AUTS2: variants seen among roughly 807,000 people sequenced by gnomAD.
The protein encoded by AUTS2 is autism susceptibility gene 2 protein.
Under a neutral mutation model 112.4 loss-of-function variants are expected in AUTS2, and 17 were observed. The observed-to-expected ratio is 0.15, with a 90% CI of 0.10 to 0.23. AUTS2 has a LOEUF of 0.23. Among genes scored for constraint, AUTS2 ranks in the 10% least tolerant of loss-of-function variants. AUTS2 has a pLI of 1.00. For synonymous variants in AUTS2, 751 were observed against 702.7 expected, an observed-to-expected ratio of 1.07 and a Z score of -1.09; for missense variants, 1,510 against 1,701.6, an observed-to-expected ratio of 0.89 and a Z score of 1.98.
At chr7:69,914,362 C>CACAG (rs1271865723) in intron 2 of AUTS2, among the ~76,000 whole-genome samples, 1 of 144,672 alleles carries the variant, frequency 6.9e-6, no homozygotes, top group Admixed American at 6.8e-5. Flanking sequence ...CACAGACACA[C>CACAG]ACACACACAC....
At chr7:69,923,061 C>T (rs1584447094) in intron 2 of AUTS2, among the ~76,000 whole-genome samples, 1 of 152,176 alleles carries the variant, frequency 6.6e-6, no homozygotes, top group South Asian at 2.1e-4. Flanking sequence ...TTGCCTGAAT[C>T]AACCCTAAGA....
At chr7:69,877,973 G>A (rs1406486817) in intron 1 of AUTS2, among the ~76,000 whole-genome samples, 2 of 152,110 alleles carry the variant, frequency 1.3e-5, no homozygotes, top group African/African-American at 2.4e-5. Flanking sequence ...AGGGAGCCAT[G>A]GATCTTCCTA....
chr7:70,424,275 A>G (rs1319510280), intron 4 of AUTS2, among the ~76,000 whole-genome samples: 2 of 152,180 alleles, frequency 1.3e-5, no homozygotes, highest in Admixed American at 1.3e-4. Flanking sequence ...ATACGGCTAT[A>G]TGGCTGCATT....
At chr7:70,236,009 C>T (rs960743461) in intron 4 of AUTS2, among the ~76,000 whole-genome samples, 2 of 152,136 alleles carry the variant, frequency 1.3e-5, no homozygotes, top group African/African-American at 4.8e-5. Context: ...TACCTTGACC[C>T]TGTATTTTCT....
At chr7:70,569,961 C>T (rs188727761) in intron 5 of AUTS2, among the ~76,000 whole-genome samples, 4 of 151,982 alleles carry the variant, frequency 2.6e-5, no homozygotes, top group East Asian at 3.9e-4. Context: ...CGGCAGCTAA[C>T]GAAGATGCCT....
At chr7:70,586,515 T>A (rs1802697292) in intron 5 of AUTS2, among the ~76,000 whole-genome samples, 1 of 152,178 alleles carries the variant, frequency 6.6e-6, no homozygotes, top group African/African-American at 2.4e-5. Context: ...GGGTTAAACA[T>A]CTCAAGAATT....
intron 6 of AUTS2, among the ~76,000 whole-genome samples, chr7:70,762,429 C>T (rs911873376): frequency 1.3e-5 from 2 of 151,794 alleles, no homozygotes; most frequent in Non-Finnish European, 2.9e-5. Context: ...CACCACCACA[C>T]CTGGCTAATT....
chr7:69,746,845 T>C (rs1408341715), intron 1 of AUTS2, among the ~76,000 whole-genome samples: 1 of 152,014 alleles, frequency 6.6e-6, no homozygotes, highest in African/African-American at 2.4e-5. Context: ...GAATGGAGTT[T>C]GTGGGGGGAA....
At chr7:70,215,914 C>A (rs1265668694) in intron 4 of AUTS2, among the ~76,000 whole-genome samples, 2 of 152,276 alleles carry the variant, frequency 1.3e-5, no homozygotes, top group Middle Eastern at 3.4e-3. Context: ...GCTTAAATCA[C>A]AGACTTTCTC....
intron 5 of AUTS2, among the ~76,000 whole-genome samples, chr7:70,609,959 TTTG>T (rs200432278): frequency 0.049 from 6,019 of 122,912 alleles, 157 homozygotes; most frequent in Non-Finnish European, 0.06. Context: ...AGTTCTGTTT[TTTG>T]TTGTTGTTGT....
chr7:70,485,448 A>G (rs1183153672), intron 5 of AUTS2, among the ~76,000 whole-genome samples: 1 of 152,076 alleles, frequency 6.6e-6, no homozygotes, highest in Non-Finnish European at 1.5e-5. Flanking sequence ...AGAATGATAT[A>G]TTGGACTTTG....
At position 69,998,223 on chromosome 7, in the gene AUTS2, T is replaced by G. The variant is rs566563435; in HGVS notation, c.522+98725T>G. ...ACCTCAAACTGTAAACTATACTCAC[T>G]TTTTCCACAGATGGGGTCTTGTTAT... On this transcript the variant is annotated intron_variant, in intron 2 of 18. Transcript: ENST00000342771. 2.4e-4 allele frequency among the ~76,000 whole-genome samples: 37 copies of G among 152,290 alleles called. No individual in the cohort carries two copies. The South Asian group carries it at 7.7e-3, about 32-fold the overall frequency.
intron 5 of AUTS2, among the ~76,000 whole-genome samples, chr7:70,480,995 G>A (rs1797767162): frequency 6.6e-6 from 1 of 152,214 alleles, no homozygotes; most frequent in Non-Finnish European, 1.5e-5. Context: ...CCACACATGT[G>A]TAAAGGCTCT....
chr7:70,127,824 A>G (rs1047057231), intron 3 of AUTS2, among the ~76,000 whole-genome samples: 5 of 151,892 alleles, frequency 3.3e-5, no homozygotes, highest in African/African-American at 4.8e-5. Flanking sequence ...TCCTACTTCA[A>G]ATCTTCCCTG....
chr7:70,164,372 A>G (rs747768288), intron 4 of AUTS2, among the ~76,000 whole-genome samples: 29 of 152,158 alleles, frequency 1.9e-4, no homozygotes, highest in African/African-American at 6.3e-4. Flanking sequence ...CTGTTGTAGT[A>G]TCCTATCTAA....
chr7:70,157,169 TTTCTC>T (rs1291442080), intron 4 of AUTS2, among the ~76,000 whole-genome samples: 1 of 152,080 alleles, frequency 6.6e-6, no homozygotes, highest in Admixed American at 6.5e-5. Context: ...TTTTTAGTAT[TTTCTC>T]TTTTCTGATA....
intron 2 of AUTS2, among the ~76,000 whole-genome samples, chr7:70,108,923 A>G (rs1426391355): frequency 6.6e-6 from 1 of 151,028 alleles, no homozygotes; most frequent in South Asian, 2.1e-4. Flanking sequence ...AAATTGTTCC[A>G]TTTTTGGTCA....
At chr7:69,692,717 C>T (rs888000465) in intron 1 of AUTS2, among the ~76,000 whole-genome samples, 1 of 152,142 alleles carries the variant, frequency 6.6e-6, no homozygotes, top group Non-Finnish European at 1.5e-5. Context: ...TAGGATGGGG[C>T]TTGGGGGATG....
intron 5 of AUTS2, among the ~76,000 whole-genome samples, chr7:70,493,916 A>G (rs1798347965): frequency 6.6e-6 from 1 of 152,234 alleles, no homozygotes; most frequent in South Asian, 2.1e-4. Context: ...AGGCAGTTAA[A>G]TAAAATCCAC....
Sources: allele counts gnomAD v4.1 joint callset (sites outside exome capture counted in the v4.1 genomes callset), GRCh38; gene constraint gnomAD v4.1.1; transcripts MANE v1.5; gene names NCBI Gene and HGNC (gene_info 2026-07-23, HGNC 2026-07-21).